Variants in CSGALNACT1 observed in about 807,000 individuals in gnomAD.
CSGALNACT1 encodes the protein beta4GalNAcT-1.
A neutral mutation model predicts 51.0 loss-of-function variants in CSGALNACT1; 52 were observed. That is an observed-to-expected ratio of 1.02 (90% CI 0.82 to 1.29). The LOEUF (loss-of-function observed/expected upper bound fraction) is 1.29, where lower values mean the gene tolerates loss of function less well. Among genes scored for constraint, CSGALNACT1 ranks in the 50% most tolerant of loss-of-function variants. The pLI, the probability that CSGALNACT1 is intolerant of heterozygous loss-of-function variation, is 0.00. For synonymous variants in CSGALNACT1, 341 were observed against 254.4 expected (o/e 1.34, Z -3.24); for missense variants, 935 against 679.2 (o/e 1.38, Z -4.19).
intron 3 of CSGALNACT1, among the ~76,000 whole-genome samples, chr8:19,508,979 G>A (rs1434647832): frequency 2.0e-5 from 3 of 152,098 alleles, no homozygotes; most frequent in Non-Finnish European, 4.4e-5. Context: ...ACTCTTTGGA[G>A]AAAAGAAGAA....
At chr8:19,563,671 T>C (rs1455258427) in intron 3 of CSGALNACT1, among the ~76,000 whole-genome samples, 4 of 152,114 alleles carry the variant, frequency 2.6e-5, no homozygotes, top group African/African-American at 4.8e-5. Flanking sequence ...GTGACTACCA[T>C]GGTAGCTTTC....
At chr8:19,591,719 T>A (rs147483778) in intron 2 of CSGALNACT1, among the ~76,000 whole-genome samples, 287 of 151,532 alleles carry the variant, frequency 1.9e-3, no homozygotes, top group African/African-American at 6.4e-3. Context: ...AGCCCAGGAG[T>A]TTCAGACAAG....
At chr8:19,429,918 G>A (rs755637770) in intron 6 of CSGALNACT1, among the ~76,000 whole-genome samples, 1 of 152,154 alleles carries the variant, frequency 6.6e-6, no homozygotes, top group Non-Finnish European at 1.5e-5. Context: ...CAGCCATCCC[G>A]GTGAGTGTAG....
At chr8:19,675,424 T>C (rs941559435) in intron 1 of CSGALNACT1, among the ~76,000 whole-genome samples, 1 of 152,164 alleles carries the variant, frequency 6.6e-6, no homozygotes, top group African/African-American at 2.4e-5. Context: ...GGGATTCTTA[T>C]GAATCAGAAA....
At chr8:19,557,499 GC>G (rs753470143) in intron 3 of CSGALNACT1, among the ~76,000 whole-genome samples, 16 of 152,048 alleles carry the variant, frequency 1.1e-4, no homozygotes, top group Middle Eastern at 3.2e-3. Context: ...CCACCTCAAA[GC>G]CCCCACACTT....
chr8:19,571,193 C>T (rs989439669), intron 3 of CSGALNACT1, among the ~76,000 whole-genome samples: 1 of 152,096 alleles, frequency 6.6e-6, no homozygotes, highest in African/African-American at 2.4e-5. Context: ...TGGTCTCAAA[C>T]TCCTGGGCTC....
chr8:19,418,757 AC>A lies in CSGALNACT1; in HGVS notation c.1133-8del. Reference sequence around the variant, plus strand: ...GGATAAAATACCTTCTTCCCTACAAACCAGAAAACAAACATTCACTTAAAGT... The same window carrying A: ...GGATAAAATACCTTCTTCCCTACAAACAGAAAACAAACATTCACTTAAAGT... On this transcript the variant is annotated splice_region_variant and splice_polypyrimidine_tract_variant and intron_variant, in intron 7 of 9. Coordinates refer to ENST00000454498, the Ensembl canonical transcript of CSGALNACT1. 2 of 1,585,658 alleles carry A rather than the reference AC, an allele frequency of 1.3e-6. No individual in the cohort carries two copies. Among genetic ancestry groups the A allele is most frequent in the Non-Finnish European group, 1.7e-6 (2 of 1,154,166 alleles).
chr8:19,655,671 G>A (rs546621878), intron 1 of CSGALNACT1, among the ~76,000 whole-genome samples: 2 of 152,092 alleles, frequency 1.3e-5, no homozygotes, highest in South Asian at 2.1e-4. Context: ...CCTGCCCTCA[G>A]CCTCTCAAAG....
At chr8:19,595,244 G>C (rs946998324) in intron 2 of CSGALNACT1, among the ~76,000 whole-genome samples, 2 of 152,026 alleles carry the variant, frequency 1.3e-5, no homozygotes, top group Non-Finnish European at 2.9e-5. Context: ...TCAAAGTAAA[G>C]GTTATCCCTT....
At chr8:19,617,447 A>G (rs1019066793) in intron 1 of CSGALNACT1, among the ~76,000 whole-genome samples, 1 of 152,160 alleles carries the variant, frequency 6.6e-6, no homozygotes, top group Non-Finnish European at 1.5e-5. Flanking sequence ...ACCCTAACAC[A>G]ATGTTTAACC....
chr8:19,668,938 T>C (rs2059585904), intron 1 of CSGALNACT1, among the ~76,000 whole-genome samples: 1 of 152,220 alleles, frequency 6.6e-6, no homozygotes, highest in East Asian at 1.9e-4. Flanking sequence ...CCTTTTGAAA[T>C]ACTGTAATAA....
At chr8:19,410,993 C>G (rs1330993910) in intron 8 of CSGALNACT1, among the ~76,000 whole-genome samples, 1 of 152,190 alleles carries the variant, frequency 6.6e-6, no homozygotes, top group Non-Finnish European at 1.5e-5. Context: ...CCATGTGAAG[C>G]CCTGCAAGGG....
intron 3 of CSGALNACT1, among the ~76,000 whole-genome samples, chr8:19,508,422 C>T (rs1021749846): frequency 3.3e-5 from 5 of 152,212 alleles, no homozygotes; most frequent in Admixed American, 6.5e-5. Flanking sequence ...TTTAGAACAA[C>T]ACACAGTTAT....
chr8:19,490,913 G>C (rs2074224047), intron 4 of CSGALNACT1, among the ~76,000 whole-genome samples: 1 of 152,118 alleles, frequency 6.6e-6, no homozygotes, highest in African/African-American at 2.4e-5. Context: ...CGAAACCTGG[G>C]ACTGTTTCAA....
At chr8:19,497,531 C>G (rs781259518) in intron 4 of CSGALNACT1, among the ~76,000 whole-genome samples, 3 of 151,840 alleles carry the variant, frequency 2.0e-5, no homozygotes, top group Non-Finnish European at 4.4e-5. Context: ...AGCTATCTGA[C>G]GGAGAATTTA....
chr8:19,565,229 GA>G (rs779167023), intron 3 of CSGALNACT1, among the ~76,000 whole-genome samples: 23 of 152,040 alleles, frequency 1.5e-4, no homozygotes, highest in Non-Finnish European at 2.8e-4. Context: ...CCAACTTTCG[GA>G]AAAGTTCTAA....
At chr8:19,464,989 C>A (rs930411534) in intron 4 of CSGALNACT1, among the ~76,000 whole-genome samples, 16 of 152,122 alleles carry the variant, frequency 1.1e-4, no homozygotes, top group Admixed American at 6.5e-4. Context: ...CTATGTATTT[C>A]TAGGTCTATA....
At chr8:19,465,610 C>G (rs1336863801) in intron 4 of CSGALNACT1, among the ~76,000 whole-genome samples, 1 of 152,198 alleles carries the variant, frequency 6.6e-6, no homozygotes, top group Non-Finnish European at 1.5e-5. Flanking sequence ...TAAATCTGAT[C>G]CTTCTGCTAT....
intron 3 of CSGALNACT1, among the ~76,000 whole-genome samples, chr8:19,569,574 G>C (rs1424665826): frequency 3.3e-5 from 5 of 152,016 alleles, no homozygotes; most frequent in Admixed American, 1.3e-4. Context: ...ATTACGAGTT[G>C]GTTGTTGACA....
Sources: gnomAD v4.1 joint callset for allele counts (sites outside exome capture counted in the v4.1 genomes callset) on GRCh38, gnomAD v4.1.1 for gene constraint, MANE v1.5 for transcripts, NCBI Gene and HGNC (gene_info 2026-07-23, HGNC 2026-07-21) for gene names.